THEMIS: variants seen among roughly 807,000 people sequenced by gnomAD.
THEMIS encodes the protein thymocyte selection associated, also known as protein THEMIS.
A neutral mutation model predicts 52.6 loss-of-function variants in THEMIS; 37 were observed. The observed-to-expected ratio is 0.70, with a 90% CI of 0.54 to 0.93. The LOEUF is 0.93. Ranked by LOEUF, THEMIS falls within the 40% of genes least tolerant of loss-of-function variation. The pLI is 0.00. For synonymous variants in THEMIS, 292 were observed against 272.7 expected, an observed-to-expected ratio of 1.07 and a Z score of -0.70; for missense variants, 808 against 763.1, an observed-to-expected ratio of 1.06 and a Z score of -0.69.
At chr6:127,892,056 GAC>G (rs1780828999) in intron 1 of THEMIS, among the ~76,000 whole-genome samples, 1 of 152,050 alleles carries the variant, frequency 6.6e-6, no homozygotes, top group Non-Finnish European at 1.5e-5. Context: ...GGCCTTCCCT[GAC>G]CACATTAGTT....
intron 1 of THEMIS, among the ~76,000 whole-genome samples, chr6:127,864,521 C>T (rs1779909101): frequency 6.6e-6 from 1 of 152,074 alleles, no homozygotes; most frequent in African/African-American, 2.4e-5. Context: ...AATAGAGAGG[C>T]ATCCTGGAGA....
intron 4 of THEMIS, among the ~76,000 whole-genome samples, chr6:127,734,493 A>G (rs1364090476): frequency 2.0e-5 from 3 of 152,092 alleles, no homozygotes; most frequent in African/African-American, 7.2e-5. Flanking sequence ...CTTTTTGTGT[A>G]TTCTTGAAAT....
In THEMIS at chr6:127,731,585, GA is replaced by G. The variant is rs1278699405; in HGVS notation, c.1759-11763del. Among the ~76,000 whole-genome samples, 579 of 109,366 alleles carry G rather than the reference GA, an allele frequency of 5.3e-3. 5 individuals carry two copies. The highest frequency in any genetic ancestry group is 0.014 in the African/African-American group (412 of 29,354). 71.7% of individuals were successfully genotyped at this position (109,366 alleles called of 152,430 possible). A position where few individuals can be genotyped will look rare whatever the true frequency, so the allele number is the denominator to read the frequency against. On this transcript the variant is annotated intron_variant, in intron 4 of 5. Transcript: ENST00000368248. ...TAAGCATTTGTCAAGGGCATTTTCA[GA>G]AAAAAAAAAAAAGGTTCTAATTTGT...
upstream of THEMIS, among the ~76,000 whole-genome samples, chr6:127,901,802 C>T (rs1781140792): frequency 6.6e-6 from 1 of 151,844 alleles, no homozygotes; most frequent in South Asian, 2.1e-4. Context: ...GTAGAAGAGT[C>T]CAATAAATTT....
At chr6:127,884,048 C>G (rs968848484) in intron 1 of THEMIS, among the ~76,000 whole-genome samples, 5 of 152,140 alleles carry the variant, frequency 3.3e-5, no homozygotes, top group African/African-American at 1.2e-4. Flanking sequence ...CTACAAATCA[C>G]CTGACAAAAC....
At chr6:127,847,160 A>G (rs1169575441) in intron 2 of THEMIS, among the ~76,000 whole-genome samples, 1 of 152,048 alleles carries the variant, frequency 6.6e-6, no homozygotes, top group African/African-American at 2.4e-5. Context: ...ACATATGACA[A>G]ACCCACAGCC....
At chr6:127,821,644 G>T (rs1305962070) in intron 3 of THEMIS, among the ~76,000 whole-genome samples, 1 of 152,026 alleles carries the variant, frequency 6.6e-6, no homozygotes, top group Non-Finnish European at 1.5e-5. Context: ...CAGGGTGAAT[G>T]CTAATCATAA....
At chr6:127,889,708 T>C (rs1186769354) in intron 1 of THEMIS, among the ~76,000 whole-genome samples, 1 of 147,270 alleles carries the variant, frequency 6.8e-6, no homozygotes, top group Non-Finnish European at 1.5e-5. Flanking sequence ...CATCGGATAG[T>C]CATATGACAT....
intron 5 of THEMIS, among the ~76,000 whole-genome samples, chr6:127,710,695 G>T (rs955159197): frequency 6.6e-6 from 1 of 151,908 alleles, no homozygotes; most frequent in African/African-American, 2.4e-5. Context: ...CTATCTTCAG[G>T]CAAGACACTT....
chr6:127,909,596 G>A (rs1781360639), intron 1 of THEMIS, among the ~76,000 whole-genome samples: 1 of 152,046 alleles, frequency 6.6e-6, no homozygotes, highest in South Asian at 2.1e-4. Context: ...AGCTAGTCCT[G>A]GGTATCCTTA....
intron 2 of THEMIS, among the ~76,000 whole-genome samples, chr6:127,847,934 A>G (rs957582948): frequency 2.0e-5 from 3 of 148,376 alleles, no homozygotes; most frequent in Admixed American, 7.0e-5. Flanking sequence ...TTATTTTATT[A>G]TACTTTAAGT....
chr6:127,796,400 T>TA (rs1311739622), intron 4 of THEMIS, among the ~76,000 whole-genome samples: 2 of 151,990 alleles, frequency 1.3e-5, no homozygotes, highest in Non-Finnish European at 1.5e-5. Flanking sequence ...CCTTAAAAAA[T>TA]AAAAAAGGAC....
At chr6:127,864,998 C>T (rs1181688332) in intron 1 of THEMIS, among the ~76,000 whole-genome samples, 1 of 152,112 alleles carries the variant, frequency 6.6e-6, no homozygotes, top group East Asian at 1.9e-4. Context: ...CATCATTCTC[C>T]CAGCAGTGAT....
Position 127,780,975 on chromosome 6 carries a change from C to A in THEMIS, c.1758+31908G>T, listed in dbSNP as rs192146893. On this transcript the variant is annotated intron_variant, in intron 4 of 5. Transcript: ENST00000368248. ...TTGGGGAAGTTCTCCTGAATAATAT[C>A]CTGAAGTGTGTTTTCCAACTTGGTT... 1.7e-3 allele frequency among the ~76,000 whole-genome samples: 257 copies of A among 152,210 alleles called. 1 individual carries two copies. The highest frequency in any genetic ancestry group is 6.0e-3 in the African/African-American group (250 of 41,538).
At chr6:127,752,567 G>C (rs541640179) in intron 4 of THEMIS, among the ~76,000 whole-genome samples, 3 of 151,392 alleles carry the variant, frequency 2.0e-5, no homozygotes, top group Admixed American at 6.6e-5. Flanking sequence ...TTTATTCCTA[G>C]AGACATCAAA....
chr6:127,778,531 T>C (rs1776638746), intron 4 of THEMIS, among the ~76,000 whole-genome samples: 1 of 152,136 alleles, frequency 6.6e-6, no homozygotes. Context: ...CGCCGCCTCT[T>C]TCAGGGAATC....
chr6:127,911,565 A>G (rs929807912), intron 1 of THEMIS, among the ~76,000 whole-genome samples: 8 of 151,406 alleles, frequency 5.3e-5, no homozygotes, highest in Admixed American at 4.6e-4. Flanking sequence ...AAATATTTCT[A>G]CATGTATTCA....
At chr6:127,831,605 G>A (rs1778699645) in intron 2 of THEMIS, among the ~76,000 whole-genome samples, 1 of 152,042 alleles carries the variant, frequency 6.6e-6, no homozygotes, top group Non-Finnish European at 1.5e-5. Context: ...ACTGTTCAAA[G>A]ATTATTTTAA....
At chr6:127,834,417 CA>C (rs34484234) in intron 2 of THEMIS, among the ~76,000 whole-genome samples, 23,828 of 99,480 alleles carry the variant, frequency 0.24, 2,405 homozygotes, top group African/African-American at 0.38. Context: ...ACTAAAAATA[CA>C]AAAAAAAAAA....
Sources: allele counts gnomAD v4.1 joint callset (sites outside exome capture counted in the v4.1 genomes callset), GRCh38; gene constraint gnomAD v4.1.1; transcripts MANE v1.5; gene names NCBI Gene and HGNC (gene_info 2026-07-23, HGNC 2026-07-21).